The following ELP1 variants were observed in gnomAD, a reference collection of about 807,000 sequenced individuals.
ELP1 encodes the protein elongator acetyltransferase complex subunit 1.
A neutral mutation model predicts 183.2 loss-of-function variants in ELP1; 131 were observed. The ratio of observed to expected loss-of-function variants is 0.72; its 90% CI spans 0.62 to 0.83. ELP1 has a LOEUF of 0.83. ELP1 is among the 40% of genes least tolerant of loss of function. The pLI, the probability that ELP1 is intolerant of heterozygous loss-of-function variation, is 0.00. For missense variants in ELP1, 1,550 were observed against 1,594.9 expected, an observed-to-expected ratio of 0.97 and a Z score of 0.48; for synonymous variants, 555 against 569.0, an observed-to-expected ratio of 0.98 and a Z score of 0.35.
rs140229715 is a variant in ELP1, at chr9:108,906,480, T to G, written c.1466A>C (p.Gln489Pro). 7.4e-6 allele frequency: 12 copies of G among 1,612,460 alleles called. No homozygotes were observed. The highest frequency in any genetic ancestry group is 1.0e-5 in the Non-Finnish European group (12 of 1,178,592). Residue 489 changes from glutamine to proline, a missense_variant, in exon 14 of 37, where the codon CAG becomes CCG. Physicochemically the swap from Gln to Pro is moderately conservative, Grantham distance 76. Coordinates refer to ENST00000374647, the MANE Select transcript of ELP1 (RefSeq NM_003640.5). Reference protein sequence around the residue: ...TPHLEKRYKIQFENNEDQDVN... With the variant: ...TPHLEKRYKIPFENNEDQDVN... ...ATCTTGATCTTCATTATTCTCAAAC[T>G]GGATTCTATTGTAAATATTGAAGAA...
At chr9:108,880,367 C>A (rs1201112919) in intron 31 of ELP1, among the ~76,000 whole-genome samples, 2 of 151,964 alleles carry the variant, frequency 1.3e-5, no homozygotes, top group East Asian at 3.9e-4. Context: ...AACATTATCC[C>A]AGAATATGCG....
intron 1 of ELP1, among the ~76,000 whole-genome samples, chr9:108,931,827 A>G (rs1428287900): frequency 1.3e-5 from 2 of 152,260 alleles, no homozygotes; most frequent in Non-Finnish European, 2.9e-5. Context: ...ATGACCTGAC[A>G]TAACTACTTC....
chr9:108,914,415 G>A lies in ELP1; in HGVS notation c.958+1789C>T, dbSNP rs112716049. Among the ~76,000 whole-genome samples the A allele has an allele frequency of 4.0e-3, 189 of 47,154 alleles. 1 individual carries two copies. The highest frequency in any genetic ancestry group is 0.013 in the Middle Eastern group (1 of 76). The allele number at this position is 47,154 out of a possible 152,430, so 30.9% of individuals were successfully genotyped here. ...TCCGTCTCCAAAAAAAAAAAAAAAG[G>A]GGGGGGGGGTTCTACTGATTAAAGA... On this transcript the variant is annotated intron_variant, in intron 10 of 36. Coordinates refer to ENST00000374647, the MANE Select transcript of ELP1 (RefSeq NM_003640.5).
Position 108,919,364 on chromosome 9 carries a change from A to G in ELP1, c.553-15T>C. On this transcript the variant is annotated splice_polypyrimidine_tract_variant and intron_variant, in intron 6 of 36. Coordinates refer to ENST00000374647, the MANE Select transcript of ELP1 (RefSeq NM_003640.5). ...GCAGACTCATGCTAAAAAGGGGAACAAACACCAATATTACTGGGGGACCTT... is the reference window on the plus strand; with the variant it reads ...GCAGACTCATGCTAAAAAGGGGAACGAACACCAATATTACTGGGGGACCTT... 1 of 1,542,210 alleles carries G rather than the reference A, an allele frequency of 6.5e-7. No individual in the cohort carries two copies.
At chr9:108,880,643 C>T (rs1350186319) in intron 31 of ELP1, among the ~76,000 whole-genome samples, 1 of 152,106 alleles carries the variant, frequency 6.6e-6, no homozygotes. Context: ...TAGTAGAATA[C>T]ATTTTAAAAA....
Position 108,905,112 on chromosome 9 carries a change from T to C in ELP1, c.1643+1191A>G, listed in dbSNP as rs1228030442. ...CTAGAACATATTCTGCATTTAGACA[T>C]GTTAACAAAAGGCTTTTTCAAAATA... On this transcript the variant is annotated intron_variant, in intron 14 of 36. Coordinates refer to ENST00000374647, the MANE Select transcript of ELP1 (RefSeq NM_003640.5). Among the ~76,000 whole-genome samples the C allele has an allele frequency of 3.5e-4, 54 of 152,212 alleles. 1 individual carries two copies. Among genetic ancestry groups the C allele is most frequent in the Admixed American group, 3.5e-3 (54 of 15,282 alleles).
chr9:108,921,114 A>G (rs1829629013), intron 6 of ELP1, among the ~76,000 whole-genome samples: 1 of 151,624 alleles, frequency 6.6e-6, no homozygotes, highest in African/African-American at 2.4e-5. Flanking sequence ...GCACCTTGGG[A>G]TTTTTTTTTG....
In ELP1 at chr9:108,927,373, T is replaced by C. The variant is rs771007986; in HGVS notation, c.384A>G (p.Thr128=). The part of the protein sequence containing the change: ...SPDQELVLLA[T]GQQTLIMMTK... ...GTGAGGCACCAGTAACAAGCTTACC[T>C]GTGGCAAGAAGCACCAGCTCTTGGT... The change falls in exon 4 of 37, where the codon ACA becomes ACG. Residue 128 remains threonine, a splice_region_variant and synonymous_variant. Transcript: ENST00000374647. 6.2e-7 allele frequency: 1 copy of C among 1,611,816 alleles called. No individual in the cohort carries two copies. The highest frequency in any genetic ancestry group is 1.3e-5 in the African/African-American group (1 of 74,858).
rs753219591 is a variant in ELP1, at chr9:108,898,521, A to T, written c.2344T>A (p.Leu782Met). Reference sequence around the variant, plus strand: ...ACTTACTTCAATTCTGTAAAAAACAAGTTAATATGATTCACAGAATCTATC... The same window carrying T: ...ACTTACTTCAATTCTGTAAAAAACATGTTAATATGATTCACAGAATCTATC... ...KQIDSVNHIN[L>M]FFTELKEEDV... Residue 782 changes from leucine (L) to methionine (M), a missense_variant, in exon 22 of 37, where the codon TTG becomes ATG. Transcript: ENST00000374647. 1 of 1,577,990 alleles carries T rather than the reference A, an allele frequency of 6.3e-7. No homozygotes were observed. Among genetic ancestry groups the T allele is most frequent in the South Asian group, 1.1e-5 (1 of 89,980 alleles).
intron 36 of ELP1, among the ~76,000 whole-genome samples, chr9:108,871,538 G>C (rs191943903): frequency 6.6e-5 from 10 of 152,274 alleles, no homozygotes; most frequent in African/African-American, 2.4e-4. Context: ...TCCCTTCCAG[G>C]CTCGGGGGTT....
rs764542200 is a variant in ELP1 at position 108,898,531 on chromosome 9, A to G, written c.2334T>C (p.Asn778=). 6.9e-6 allele frequency: 11 copies of G among 1,593,202 alleles called. No individual in the cohort carries two copies. The highest frequency in any genetic ancestry group is 9.5e-6 in the Non-Finnish European group (11 of 1,163,074). ...ATTCTGTAAAAAACAAGTTAATATG[A>G]TTCACAGAATCTATCTGTTTAATGA... The part of the protein sequence containing the change: ...ETFIKQIDSV[N]HINLFFTELK... The change falls in exon 22 of 37, where the codon AAT becomes AAC. Residue 778 remains asparagine, a synonymous_variant. Transcript: ENST00000374647.
chr9:108,894,111 A>G, intron 25 of ELP1, 45 bp from the exon 26 acceptor site: 1 of 1,198,126 alleles, frequency 8.3e-7, no homozygotes, highest in Non-Finnish European at 1.2e-6. Flanking sequence ...TGATATTCAT[A>G]TATAGGAATA....
intron 29 of ELP1, among the ~76,000 whole-genome samples, chr9:108,885,555 C>T (rs548573383): frequency 1.3e-5 from 2 of 152,276 alleles, no homozygotes; most frequent in African/African-American, 2.4e-5. Flanking sequence ...GCCGAGATGG[C>T]CTTACTGGTA....
chr9:108,869,108 C>T lies in ELP1; in HGVS notation c.*7G>A. On this transcript the variant is annotated 3_prime_UTR_variant, in exon 37 of 37. Coordinates refer to ENST00000374647, the MANE Select transcript of ELP1 (RefSeq NM_003640.5). ...TTCTCTGTCGGATCCCTCCTAACTG[C>T]AGTCACTCAGTCTAGCAGGCTCAGC... 6.2e-7 allele frequency: 1 copy of T among 1,612,726 alleles called. No individual in the cohort carries two copies.
chr9:108,898,826 G>T, intron 20 of ELP1, 77 bp from the exon 21 acceptor site: 1 of 954,678 alleles, frequency 1.0e-6, no homozygotes. Context: ...TTTTCATTAT[G>T]ATACAAACCA....
intron 36 of ELP1, among the ~76,000 whole-genome samples, chr9:108,871,917 T>C (rs1371906142): frequency 5.3e-5 from 8 of 152,218 alleles, no homozygotes; most frequent in Admixed American, 5.2e-4. Flanking sequence ...TTCATAAATT[T>C]CCTTTTCTTT....
Position 108,879,326 on chromosome 9 carries a change from C to T in ELP1, c.3572+120G>A, listed in dbSNP as rs150824421. 476 of 762,872 alleles carry T rather than the reference C, an allele frequency of 6.2e-4. 1 individual carries two copies. The highest frequency in any genetic ancestry group is 9.3e-4 in the Non-Finnish European group (399 of 429,774). The allele number at this position is 762,872 out of a possible 1,614,324, so 47.3% of individuals were successfully genotyped here. ...AAGTGTCTGAACAACTTCCACACAG[C>T]GCTGAAGAATATTCTCCCCACTCCC... On this transcript the variant is annotated intron_variant, in intron 33 of 36. Transcript: ENST00000374647.
rs770184262 is a variant in ELP1 at position 108,908,304 on chromosome 9, CT to C, written c.1460del (p.Ile488SerfsTer11). ...GAAGCCCAAGATAATTAAGAACCTA[CT>C]TGTATCTCTTTTCCAAATGAGGAGT... The part of the protein sequence containing the change: ...LRTPHLEKRY[K>X]IQFENNEDQD... On this transcript the variant is annotated frameshift_variant and splice_region_variant, in exon 13 of 37. Transcript: ENST00000374647. LOFTEE classifies it high-confidence loss of function. 3 of 1,608,816 alleles carry C rather than the reference CT, an allele frequency of 1.9e-6. No individual in the cohort carries two copies. The highest frequency in any genetic ancestry group is 2.6e-6 in the Non-Finnish European group (3 of 1,175,174).
In ELP1 at chr9:108,877,995, C is replaced by T. The variant is rs901285079; in HGVS notation, c.3855G>A (p.Pro1285=). Residue 1285 remains proline (P), a splice_region_variant and synonymous_variant, in exon 35 of 37, where the codon CCG becomes CCA. Coordinates refer to ENST00000374647, the MANE Select transcript of ELP1 (RefSeq NM_003640.5). ...GCACACCGTCTCTGAGAAAACTTAC[C>T]GGGGTAGCTGAATTCTGCTGGTAAG... is the stretch of plus-strand genomic sequence containing the variant. ...TLTYQQNSAT[P]VLGPNSTANS... is the part of the protein sequence containing the mutation. The T allele has an allele frequency of 3.7e-6, 6 of 1,614,002 alleles. No individual in the cohort carries two copies. The highest frequency in any genetic ancestry group is 2.2e-5 in the East Asian group (1 of 44,892).
Sources: gnomAD v4.1 joint callset for allele counts (sites outside exome capture counted in the v4.1 genomes callset) on GRCh38, gnomAD v4.1.1 for gene constraint, MANE v1.5 for transcripts, NCBI Gene and HGNC (gene_info 2026-07-23, HGNC 2026-07-21) for gene names.